Variants in TTC29 observed in about 807,000 individuals in gnomAD.
TTC29 encodes the protein tetratricopeptide repeat protein 29.
In TTC29, 49 loss-of-function variants were observed where a neutral mutation model predicts 58.1. That is an observed-to-expected ratio of 0.84 (90% CI 0.67 to 1.07). The LOEUF (loss-of-function observed/expected upper bound fraction) is 1.07. TTC29 is among the 50% of genes least tolerant of loss of function. TTC29 has a pLI of 0.00. For missense variants in TTC29, 582 were observed against 555.6 expected (o/e 1.05, Z -0.48); for synonymous variants, 209 against 196.8 (o/e 1.06, Z -0.52).
intron 6 of TTC29, among the ~76,000 whole-genome samples, chr4:146,882,059 T>G (rs1329511981): frequency 2.0e-5 from 3 of 152,116 alleles, no homozygotes; most frequent in African/African-American, 7.2e-5. Context: ...AAGAATCCCA[T>G]GTAGACAGGT....
chr4:146,816,844 T>A (rs140101602), intron 10 of TTC29, among the ~76,000 whole-genome samples: 80 of 152,200 alleles, frequency 5.3e-4, no homozygotes, highest in Non-Finnish European at 1.1e-3. Context: ...TTAAAAAAAA[T>A]CCTAAATCCT....
chr4:146,764,573 G>A (rs1387717319), intron 11 of TTC29, among the ~76,000 whole-genome samples: 1 of 151,924 alleles, frequency 6.6e-6, no homozygotes, highest in African/African-American at 2.4e-5. Flanking sequence ...AATAGAATCA[G>A]TTTAGGAGCG....
At chr4:146,945,330 T>C (rs1412057721) in intron 1 of TTC29, 2 of 152,228 alleles carry the variant, frequency 1.3e-5, no homozygotes, top group East Asian at 3.9e-4. Flanking sequence ...TCAATACAAA[T>C]GTGACATTAG....
intron 8 of TTC29, among the ~76,000 whole-genome samples, chr4:146,836,475 G>A (rs1243904220): frequency 6.6e-6 from 1 of 152,070 alleles, no homozygotes; most frequent in Non-Finnish European, 1.5e-5. Flanking sequence ...GGAGAGAGGA[G>A]TGCATATAGG....
chr4:146,730,899 T>A (rs1330305546), intron 11 of TTC29, among the ~76,000 whole-genome samples: 1 of 152,140 alleles, frequency 6.6e-6, no homozygotes, highest in Non-Finnish European at 1.5e-5. Flanking sequence ...AGAGTGTTGC[T>A]ATGAAGTGGA....
intron 11 of TTC29, among the ~76,000 whole-genome samples, chr4:146,753,533 C>T (rs1746188802): frequency 1.3e-5 from 2 of 152,086 alleles, no homozygotes; most frequent in Non-Finnish European, 1.5e-5. Flanking sequence ...ACCATTTGAC[C>T]CAGCCATCCT....
At chr4:146,909,732 ATAT>A (rs1227566247) in intron 4 of TTC29, among the ~76,000 whole-genome samples, 1 of 152,226 alleles carries the variant, frequency 6.6e-6, no homozygotes, top group Non-Finnish European at 1.5e-5. Flanking sequence ...TACTAACTAT[ATAT>A]TTTTTAATTA....
intron 12 of TTC29, 77 bp downstream of exon 12, chr4:146,707,408 T>G: frequency 9.3e-7 from 1 of 1,076,264 alleles, no homozygotes; most frequent in Non-Finnish European, 1.4e-6. Flanking sequence ...TCTTTTTGTG[T>G]TTGGAGAATG....
chr4:146,718,106 A>G (rs1261009548), intron 11 of TTC29, among the ~76,000 whole-genome samples: 4 of 152,184 alleles, frequency 2.6e-5, no homozygotes, highest in African/African-American at 9.7e-5. Context: ...TTATATATAT[A>G]TCACATTTTC....
At chr4:146,851,677 C>CT (rs1729525894) in intron 8 of TTC29, among the ~76,000 whole-genome samples, 1 of 152,104 alleles carries the variant, frequency 6.6e-6, no homozygotes, top group Non-Finnish European at 1.5e-5. Context: ...AATAATATTA[C>CT]TTTTTCTTTT....
Position 146,754,182 on chromosome 4 carries a change from A to T in TTC29, c.1331-46631T>A, listed in dbSNP as rs183140184. Reference sequence around the variant, plus strand: ...AACAGATGCCTCAGAAATAAAAAGGATCATAAGAGATTACTTCAAACAATT... The same window carrying T: ...AACAGATGCCTCAGAAATAAAAAGGTTCATAAGAGATTACTTCAAACAATT... On this transcript the variant is annotated intron_variant, in intron 11 of 12. Coordinates refer to ENST00000325106, the MANE Select transcript of TTC29 (RefSeq NM_031956.4). Among the ~76,000 whole-genome samples, 3 of 152,022 alleles carry T rather than the reference A, an allele frequency of 2.0e-5. No individual in the cohort carries two copies. The East Asian group carries it at 5.8e-4, about 29-fold the overall frequency.
At chr4:146,853,994 A>G (rs1458613452) in intron 8 of TTC29, among the ~76,000 whole-genome samples, 1 of 152,058 alleles carries the variant, frequency 6.6e-6, no homozygotes, top group East Asian at 1.9e-4. Context: ...CTCTTAACCA[A>G]TGAATGGTGG....
At chr4:146,799,697 C>T (rs1750079576) in intron 11 of TTC29, among the ~76,000 whole-genome samples, 1 of 152,122 alleles carries the variant, frequency 6.6e-6, no homozygotes, top group Non-Finnish European at 1.5e-5. Flanking sequence ...ATGTCATTTA[C>T]ATTTGGCTAC....
intron 9 of TTC29, 56 bp downstream of exon 9, chr4:146,833,750 C>T (rs1728321588): frequency 7.2e-7 from 1 of 1,393,526 alleles, no homozygotes; most frequent in Non-Finnish European, 1.0e-6. Context: ...ACAATTTAAG[C>T]CTTTCACAGT....
At chr4:146,833,177 G>T (rs1468909025) in intron 9 of TTC29, among the ~76,000 whole-genome samples, 1 of 133,656 alleles carries the variant, frequency 7.5e-6, no homozygotes, top group East Asian at 2.3e-4. Flanking sequence ...TTTTCTTATT[G>T]TTATTATTTC....
rs528118413 is a variant in TTC29 at position 146,822,673 on chromosome 4, A to G, written c.978-2425T>C. On this transcript the variant is annotated intron_variant, in intron 9 of 12. Coordinates refer to ENST00000325106, the MANE Select transcript of TTC29 (RefSeq NM_031956.4). ...ATTGCTGCTTCTAGATCTTTGAGGA[A>G]TCACCATACTGTCTTCCACATTGGT... 1.1e-4 allele frequency among the ~76,000 whole-genome samples: 16 copies of G among 152,318 alleles called. 1 individual carries two copies. Among genetic ancestry groups the G allele is most frequent in the South Asian group, 6.2e-4 (3 of 4,820 alleles).
chr4:146,897,520 T>C (rs1045207990), intron 6 of TTC29, among the ~76,000 whole-genome samples: 2 of 152,146 alleles, frequency 1.3e-5, no homozygotes, highest in Non-Finnish European at 2.9e-5. Context: ...TTGGTCCCTC[T>C]CCCGCTCCCT....
At chr4:146,913,585 G>C (rs1236651781) in intron 4 of TTC29, among the ~76,000 whole-genome samples, 1 of 152,094 alleles carries the variant, frequency 6.6e-6, no homozygotes, top group Non-Finnish European at 1.5e-5. Flanking sequence ...CCAGAGGCAA[G>C]CAACATAAAG....
chr4:146,932,372 T>A (rs1235038108), intron 4 of TTC29, among the ~76,000 whole-genome samples: 1 of 152,172 alleles, frequency 6.6e-6, no homozygotes, highest in Non-Finnish European at 1.5e-5. Flanking sequence ...CCATAGAGAA[T>A]TTATTACTTT....
Sources: allele counts gnomAD v4.1 joint callset (sites outside exome capture counted in the v4.1 genomes callset), GRCh38; gene constraint gnomAD v4.1.1; transcripts MANE v1.5; gene names NCBI Gene and HGNC (gene_info 2026-07-23, HGNC 2026-07-21).